BBS9: variants seen among roughly 807,000 people sequenced by gnomAD.
BBS9 encodes the protein protein PTHB1.
In BBS9, 89 loss-of-function variants were observed where a neutral mutation model predicts 117.7. That is an observed-to-expected ratio of 0.76 (90% confidence interval 0.64 to 0.90). BBS9 has a LOEUF of 0.90. Among genes scored for constraint, BBS9 ranks in the 40% least tolerant of loss-of-function variants. The pLI is 0.00. For synonymous variants in BBS9, 379 were observed against 370.9 expected, an observed-to-expected ratio of 1.02 and a Z score of -0.25; for missense variants, 982 against 1,042.2, an observed-to-expected ratio of 0.94 and a Z score of 0.80.
rs527401995 is a variant in BBS9 at position 33,514,535 on chromosome 7, C to G, written c.2298+8890C>G. On this transcript the variant is annotated intron_variant, in intron 20 of 22. Transcript: ENST00000242067. ...GATGGGAGCTGTTACAGGGAGTTTC[C>G]TGTACTTTAAAAAAGTTAAACAACA... Among the ~76,000 whole-genome samples the G allele has an allele frequency of 6.0e-4, 91 of 152,226 alleles. 1 individual carries two copies. The South Asian group carries it at 0.018, about 30-fold the overall frequency.
chr7:33,329,034 T>C (rs931388713), intron 9 of BBS9, among the ~76,000 whole-genome samples: 18 of 151,770 alleles, frequency 1.2e-4, no homozygotes, highest in African/African-American at 4.1e-4. Context: ...TATTTGTTTA[T>C]TTAGAAACGG....
chr7:33,344,221 A>G (rs1817158036), intron 11 of BBS9, among the ~76,000 whole-genome samples: 1 of 150,062 alleles, frequency 6.7e-6, no homozygotes, highest in African/African-American at 2.5e-5. Context: ...AGCTGGGACT[A>G]CAGGCGCCCG....
chr7:33,217,418 A>G (rs956620876), intron 5 of BBS9, among the ~76,000 whole-genome samples: 1 of 152,182 alleles, frequency 6.6e-6, no homozygotes, highest in Non-Finnish European at 1.5e-5. Flanking sequence ...TTCTGCTCAC[A>G]TGAGCCATAA....
At chr7:33,380,938 A>T (rs1354286045) in intron 17 of BBS9, 1 of 152,122 alleles carries the variant, frequency 6.6e-6, no homozygotes, top group Non-Finnish European at 1.5e-5. Flanking sequence ...GACACACATA[A>T]AAATAAGGAT....
At chr7:33,277,120 T>C in intron 9 of BBS9, 1 of 196,874 alleles carries the variant, frequency 5.1e-6, no homozygotes, top group Admixed American at 5.3e-5. Flanking sequence ...CTGGGATTAG[T>C]GTCTGTAAAC....
intron 21 of BBS9, among the ~76,000 whole-genome samples, chr7:33,558,630 C>G (rs1855640388): frequency 6.6e-6 from 1 of 151,838 alleles, no homozygotes; most frequent in Non-Finnish European, 1.5e-5. Context: ...TTTTATGAAC[C>G]TATTATCTCT....
chr7:33,217,945 T>C (rs899447024), intron 5 of BBS9, among the ~76,000 whole-genome samples: 2 of 152,040 alleles, frequency 1.3e-5, no homozygotes, highest in African/African-American at 4.8e-5. Flanking sequence ...TAAAAGCAAA[T>C]GGCGAAAGGA....
At chr7:33,598,612 G>C (rs1863295564) in intron 21 of BBS9, among the ~76,000 whole-genome samples, 1 of 152,176 alleles carries the variant, frequency 6.6e-6, no homozygotes. Flanking sequence ...GGAATTCTCT[G>C]TACTAGCTGA....
At position 33,130,158 on chromosome 7, in the gene BBS9, T is replaced by C. The variant is rs551379434; in HGVS notation, c.-12+117T>C. 3.3e-5 allele frequency: 5 copies of C among 152,322 alleles called. No homozygotes were observed. The South Asian group carries it at 1.0e-3, about 32-fold the overall frequency. The allele number at this position is 152,322 out of a possible 1,614,324, so 9.4% of individuals were successfully genotyped here. A position where few individuals can be genotyped will look rare whatever the true frequency, so the allele number is the denominator to read the frequency against. On this transcript the variant is annotated intron_variant, in intron 1 of 22. Transcript: ENST00000242067. ...GGTTTGGAGTCTGTAAGGTGATTGA[T>C]TTCTTAGATGTTTGCACTGAAATAA...
chr7:33,159,647 CTTTTAACATCAATT>C (rs1448673230), intron 4 of BBS9, among the ~76,000 whole-genome samples: 1 of 152,198 alleles, frequency 6.6e-6, no homozygotes, highest in Admixed American at 6.5e-5. Flanking sequence ...GTTCCACTCT[CTTTTAACATCAATT>C]TTGGGTTTCT....
At chr7:33,393,317 C>T (rs1241015262) in intron 19 of BBS9, among the ~76,000 whole-genome samples, 2 of 152,174 alleles carry the variant, frequency 1.3e-5, no homozygotes, top group Non-Finnish European at 2.9e-5. Flanking sequence ...AATCTATTAT[C>T]CAGTTTTTTA....
At chr7:33,171,019 C>T (rs1583452682) in intron 4 of BBS9, among the ~76,000 whole-genome samples, 1 of 149,652 alleles carries the variant, frequency 6.7e-6, no homozygotes, top group East Asian at 2.0e-4. Flanking sequence ...ATGAAAATGG[C>T]CATACTGCCC....
intron 2 of BBS9, among the ~76,000 whole-genome samples, chr7:33,151,464 G>C (rs531803617): frequency 1.3e-5 from 2 of 152,182 alleles, no homozygotes; most frequent in Non-Finnish European, 2.9e-5. Flanking sequence ...CCTTTAGTGG[G>C]GACAGGAATG....
chr7:33,614,519 G>A lies in BBS9; in HGVS notation c.2522-20658G>A, dbSNP rs182534916. Reference sequence around the variant, plus strand: ...GTAACTCTTCTTATCTGTCAGAGAAGTGAGGTCAGAGGGCAAACCACTGCC... The same window carrying A: ...GTAACTCTTCTTATCTGTCAGAGAAATGAGGTCAGAGGGCAAACCACTGCC... On this transcript the variant is annotated intron_variant, in intron 21 of 21. Coordinates refer to the BBS9 transcript ENST00000671952. Among the ~76,000 whole-genome samples, 342 of 152,190 alleles carry A rather than the reference G, an allele frequency of 2.2e-3. 2 individuals carry two copies. Among genetic ancestry groups the A allele is most frequent in the African/African-American group, 7.8e-3 (323 of 41,556 alleles).
chr7:33,370,278 T>C (rs1228179172), intron 17 of BBS9, among the ~76,000 whole-genome samples: 2 of 151,182 alleles, frequency 1.3e-5, no homozygotes, highest in African/African-American at 4.9e-5. Context: ...GGCAACATAG[T>C]GAGACCTAGT....
chr7:33,271,337 CAAT>C (rs760130612), intron 7 of BBS9, among the ~76,000 whole-genome samples: 5 of 152,146 alleles, frequency 3.3e-5, no homozygotes, highest in African/African-American at 4.8e-5. Context: ...CAGCTAACAA[CAAT>C]GACAGGATCA....
At chr7:33,446,609 GA>G (rs1324621842) in intron 19 of BBS9, among the ~76,000 whole-genome samples, 1 of 152,134 alleles carries the variant, frequency 6.6e-6, no homozygotes, top group Non-Finnish European at 1.5e-5. Flanking sequence ...ATTTGCCCCA[GA>G]AAAGGTAGAA....
intron 4 of BBS9, among the ~76,000 whole-genome samples, chr7:33,156,672 A>G (rs75961358): frequency 0.01 from 1,538 of 152,296 alleles, 28 homozygotes; most frequent in African/African-American, 0.035. Context: ...TACTTGTTGA[A>G]TGAATGAATG....
intron 18 of BBS9, 77 bp from the exon 19 acceptor site, chr7:33,387,915 T>C (rs1000857904): frequency 1.6e-5 from 23 of 1,476,928 alleles, no homozygotes; most frequent in Non-Finnish European, 2.2e-5. Flanking sequence ...TTACTTTTAT[T>C]ATCATTGTGT....
Sources: gnomAD v4.1 joint callset for allele counts (sites outside exome capture counted in the v4.1 genomes callset) on GRCh38, gnomAD v4.1.1 for gene constraint, MANE v1.5 for transcripts, NCBI Gene and HGNC (gene_info 2026-07-23, HGNC 2026-07-21) for gene names.